PI4K2B: variants seen among roughly 807,000 people sequenced by gnomAD.
PI4K2B encodes the protein phosphatidylinositol 4-kinase type 2 beta.
PI4K2B carries 46 observed loss-of-function variants against 56.6 expected under a neutral mutation model. The observed-to-expected ratio is 0.81, with a 90% CI of 0.64 to 1.04. The LOEUF (loss-of-function observed/expected upper bound fraction) is 1.04. PI4K2B is among the 50% of genes least tolerant of loss of function. The pLI, the probability that PI4K2B is intolerant of heterozygous loss-of-function variation, is 0.00. For synonymous variants in PI4K2B, 211 were observed against 223.8 expected (o/e 0.94, Z 0.51); for missense variants, 556 against 607.7 (o/e 0.91, Z 0.89).
At chr4:25,254,129 A>G (rs1716167677) in intron 2 of PI4K2B, among the ~76,000 whole-genome samples, 1 of 152,238 alleles carries the variant, frequency 6.6e-6, no homozygotes, top group East Asian at 1.9e-4. Context: ...ATCTGACAGC[A>G]TGGATGTACA....
chr4:25,269,028 A>T (rs1577697513), intron 8 of PI4K2B, 116 bp from the exon 9 acceptor site: 2 of 555,588 alleles, frequency 3.6e-6, no homozygotes, highest in East Asian at 6.0e-5. Flanking sequence ...GTTTTATTTT[A>T]TCAATTAGGA....
intron 4 of PI4K2B, 147 bp downstream of exon 4, chr4:25,256,821 T>C (rs1054967583): frequency 1.5e-5 from 11 of 743,232 alleles, no homozygotes; most frequent in African/African-American, 1.3e-4. Context: ...GTAATTTTAG[T>C]GTAATATAAA....
At chr4:25,266,246 C>T (rs1425568697) in intron 7 of PI4K2B, among the ~76,000 whole-genome samples, 1 of 152,192 alleles carries the variant, frequency 6.6e-6, no homozygotes, top group East Asian at 1.9e-4. Context: ...TAGCTTACTG[C>T]AGCCTCAAAC....
Position 25,234,246 on chromosome 4 carries a change from C to A in PI4K2B, c.83C>A (p.Pro28Gln), listed in dbSNP as rs746431870. The A allele has an allele frequency of 3.5e-6, 5 of 1,427,634 alleles. No individual in the cohort carries two copies. Among genetic ancestry groups the A allele is most frequent in the Admixed American group, 2.6e-5 (1 of 38,686 alleles). 88.4% of individuals were successfully genotyped at this position (1,427,634 alleles called of 1,614,324 possible). ...PEEEEDGERE[P>Q]LLPRIAWAHP... The stretch of plus-strand genomic sequence containing the variant: ...GAGGAGGAGGATGGGGAGCGGGAGC[C>A]GCTGCTACCGCGGATCGCCTGGGCC... The change falls in exon 1 of 10, where the codon CCG becomes CAG. Residue 28 changes from proline to glutamine, a missense_variant. Physicochemically the swap from Pro to Gln is moderately conservative, Grantham distance 76. Coordinates refer to ENST00000264864, the MANE Select transcript of PI4K2B (RefSeq NM_018323.4).
chr4:25,268,702 A>C (rs1405533833), intron 8 of PI4K2B, 126 bp downstream of exon 8: 1 of 621,766 alleles, frequency 1.6e-6, no homozygotes, highest in African/African-American at 1.9e-5. Context: ...CTGACAGGAC[A>C]GAGAGGAATT....
rs1716750599 is a variant in PI4K2B, at chr4:25,268,507, G to T, written c.1143G>T (p.Leu381Phe). 1.9e-6 allele frequency: 3 copies of T among 1,598,210 alleles called. No homozygotes were observed. Among genetic ancestry groups the T allele is most frequent in the Non-Finnish European group, 2.6e-6 (3 of 1,168,956 alleles). Residue 381 changes from leucine to phenylalanine, a missense_variant, in exon 8 of 10, where the codon TTG becomes TTT. Leu to Phe is a conservative substitution (Grantham distance 22). Coordinates refer to ENST00000264864, the MANE Select transcript of PI4K2B (RefSeq NM_018323.4). ...KVPFSEEIRN[L>F]ILPYISDMNF... The stretch of plus-strand genomic sequence containing the variant: ...CCTTTTCTGAAGAAATAAGAAATTT[G>T]ATTCTACCATATATTTCTGACATGA...
At chr4:25,243,237 C>T (rs1332164575) in intron 1 of PI4K2B, among the ~76,000 whole-genome samples, 1 of 152,198 alleles carries the variant, frequency 6.6e-6, no homozygotes, top group Non-Finnish European at 1.5e-5. Flanking sequence ...GTTGTTGGAT[C>T]ATCTGGTTGG....
Position 25,249,593 on chromosome 4 carries a change from T to G in PI4K2B, c.269-2728T>G, listed in dbSNP as rs313564. Among the ~76,000 whole-genome samples the G allele has an allele frequency of 7.0e-5, 10 of 142,566 alleles. 1 individual carries two copies. In the South Asian group the frequency reaches 2.2e-3, roughly 32 times the overall value. 93.5% of individuals were successfully genotyped at this position (142,566 alleles called of 152,430 possible). ...CTCACTTCCCAGATGGGGCGGCTGCTGGGCGGAGGGGCTCCTCACTTCTCA... is the reference window on the plus strand; with the variant it reads ...CTCACTTCCCAGATGGGGCGGCTGCGGGGCGGAGGGGCTCCTCACTTCTCA... On this transcript the variant is annotated intron_variant, in intron 1 of 9. Transcript: ENST00000264864.
intron 1 of PI4K2B, among the ~76,000 whole-genome samples, chr4:25,240,162 A>G (rs1161869820): frequency 6.6e-6 from 1 of 152,200 alleles, no homozygotes; most frequent in East Asian, 1.9e-4. Context: ...AGGTTGGTAT[A>G]AGAGTTTGAA....
intron 1 of PI4K2B, among the ~76,000 whole-genome samples, chr4:25,237,893 A>C (rs1666877338): frequency 6.6e-6 from 1 of 152,208 alleles, no homozygotes. Flanking sequence ...TCTCAAAAGA[A>C]AAAAAGAAAA....
Position 25,234,273 on chromosome 4 carries a change from AC to A in PI4K2B, c.113del (p.Pro38ArgfsTer10). The A allele has an allele frequency of 7.0e-7, 1 of 1,421,360 alleles. No homozygotes were observed. The highest frequency in any genetic ancestry group is 9.2e-7 in the Non-Finnish European group (1 of 1,083,676). 88.0% of individuals were successfully genotyped at this position (1,421,360 alleles called of 1,614,324 possible). A position where few individuals can be genotyped will look rare whatever the true frequency, so the allele number is the denominator to read the frequency against. ...EPLLPRIAWA[H>X]PRRGAPGSAV... ...CTGCTACCGCGGATCGCCTGGGCCC[AC>A]CCGCGGAGAGGCGCCCCAGGCAGCG... On this transcript the variant is annotated frameshift_variant, in exon 1 of 10. Transcript: ENST00000264864. LOFTEE classifies it high-confidence loss of function.
chr4:25,248,820 T>C (rs924955035), intron 1 of PI4K2B, among the ~76,000 whole-genome samples: 5 of 152,112 alleles, frequency 3.3e-5, no homozygotes, highest in African/African-American at 4.8e-5. Flanking sequence ...TTTTTTTAAT[T>C]TTTTTAGTAT....
chr4:25,277,426 G>A lies in PI4K2B; in HGVS notation c.*239G>A. 1 of 312,962 alleles carries A rather than the reference G, an allele frequency of 3.2e-6. No individual in the cohort carries two copies. The highest frequency in any genetic ancestry group is 4.6e-5 in the Admixed American group (1 of 21,710). The allele number at this position is 312,962 out of a possible 1,614,324, so 19.4% of individuals were successfully genotyped here. A position where few individuals can be genotyped will look rare whatever the true frequency, so the allele number is the denominator to read the frequency against. On this transcript the variant is annotated 3_prime_UTR_variant, in exon 10 of 10. Coordinates refer to ENST00000264864, the MANE Select transcript of PI4K2B (RefSeq NM_018323.4). ...TTTTTGTAGAAAATTTGTATTTTAT[G>A]TTGTTGTTAGTTTAAAAGGTAATTT... is the stretch of plus-strand genomic sequence containing the variant.
chr4:25,248,597 GGT>G (rs201000400), intron 1 of PI4K2B, among the ~76,000 whole-genome samples: 6,037 of 72,616 alleles, frequency 0.083, 187 homozygotes, highest in East Asian at 0.16. Flanking sequence ...CATGATGTAT[GGT>G]TTTTTTTTTT....
chr4:25,252,129 G>A (rs878992068), intron 1 of PI4K2B, among the ~76,000 whole-genome samples, 192 bp from the exon 2 acceptor site: 3 of 144,764 alleles, frequency 2.1e-5, no homozygotes, highest in Admixed American at 6.9e-5. Flanking sequence ...GCCCGCCCCC[G>A]CCCCCATGTT....
chr4:25,238,062 T>C (rs1264530592), intron 1 of PI4K2B, among the ~76,000 whole-genome samples: 13 of 152,172 alleles, frequency 8.5e-5, no homozygotes, highest in Non-Finnish European at 1.5e-5. Context: ...ATTTAATGAT[T>C]CATGGTGGTT....
At chr4:25,239,593 C>A (rs1715428988) in intron 1 of PI4K2B, among the ~76,000 whole-genome samples, 1 of 152,216 alleles carries the variant, frequency 6.6e-6, no homozygotes, top group Admixed American at 6.5e-5. Context: ...CACGCAACCC[C>A]AGTTCCCGCC....
At chr4:25,251,559 C>T (rs974625114) in intron 1 of PI4K2B, among the ~76,000 whole-genome samples, 1 of 151,940 alleles carries the variant, frequency 6.6e-6, no homozygotes, top group African/African-American at 2.4e-5. Flanking sequence ...GGGAGCAGTC[C>T]TTTGTAGGTT....
At chr4:25,235,889 C>T (rs1273351468) in intron 1 of PI4K2B, among the ~76,000 whole-genome samples, 1 of 152,050 alleles carries the variant, frequency 6.6e-6, no homozygotes, top group African/African-American at 2.4e-5. Flanking sequence ...GATGGCAGGC[C>T]TGTAATCCCA....
Sources: gnomAD v4.1 joint callset for allele counts (sites outside exome capture counted in the v4.1 genomes callset) on GRCh38, gnomAD v4.1.1 for gene constraint, MANE v1.5 for transcripts, NCBI Gene and HGNC (gene_info 2026-07-23, HGNC 2026-07-21) for gene names.